Variants in ZNF215 observed in about 807,000 individuals in gnomAD.
The protein encoded by ZNF215 is zinc finger protein 215, also known as BWSCR2-associated zinc finger protein 2.
A neutral mutation model predicts 27.2 loss-of-function variants in ZNF215; 24 were observed. That is an observed-to-expected ratio of 0.88 (90% confidence interval 0.64 to 1.24). The LOEUF is 1.24. Among genes scored for constraint, ZNF215 ranks in the 50% most tolerant of loss-of-function variants. The probability of loss-of-function intolerance (pLI) is 0.00; values close to 1 mark genes in which losing one functional copy is unlikely to be tolerated. For synonymous variants in ZNF215, 210 were observed against 204.0 expected, an observed-to-expected ratio of 1.03 and a Z score of -0.25; for missense variants, 675 against 605.7, an observed-to-expected ratio of 1.11 and a Z score of -1.20.
chr11:6,933,308 G>T (rs4426121), intron 3 of ZNF215, among the ~76,000 whole-genome samples: 2 of 151,986 alleles, frequency 1.3e-5, no homozygotes, highest in African/African-American at 4.8e-5. Flanking sequence ...ATTTGGGAGT[G>T]GGGGAGAAGG....
chr11:6,946,600 A>G (rs1205851195), intron 6 of ZNF215, among the ~76,000 whole-genome samples: 1 of 152,190 alleles, frequency 6.6e-6, no homozygotes, highest in South Asian at 2.1e-4. Flanking sequence ...TTCTTTACCT[A>G]ATTGACCCTT....
intron 5 of ZNF215, among the ~76,000 whole-genome samples, chr11:6,983,413 C>A (rs1851001390): frequency 6.6e-6 from 1 of 152,098 alleles, no homozygotes; most frequent in South Asian, 2.1e-4. Context: ...TTTTATGAGG[C>A]CAGCATCATC....
At chr11:6,964,507 G>T (rs935060751) in intron 5 of ZNF215, among the ~76,000 whole-genome samples, 2 of 152,028 alleles carry the variant, frequency 1.3e-5, no homozygotes, top group Non-Finnish European at 2.9e-5. Context: ...ATTTGTAGAA[G>T]ACTGTAGATT....
At position 6,936,763 on chromosome 11, in the gene ZNF215, A is replaced by G. The variant is rs79668717; in HGVS notation, c.400+4091A>G. Among the ~76,000 whole-genome samples the G allele has an allele frequency of 7.3e-3, 1,117 of 152,084 alleles. 3 individuals carry two copies. Among genetic ancestry groups the G allele is most frequent in the Non-Finnish European group, 0.011 (764 of 67,842 alleles). Reference sequence around the variant, plus strand: ...TGGGATTGATCCCAGAAATGCAAGTATGGTTCAACAAATGAAAATATATCA... The same window carrying G: ...TGGGATTGATCCCAGAAATGCAAGTGTGGTTCAACAAATGAAAATATATCA... On this transcript the variant is annotated intron_variant, in intron 3 of 6. Coordinates refer to ENST00000278319, the MANE Select transcript of ZNF215 (RefSeq NM_013250.4).
chr11:6,964,835 CTT>C (rs1208712152), intron 5 of ZNF215, among the ~76,000 whole-genome samples: 2 of 151,892 alleles, frequency 1.3e-5, no homozygotes, highest in African/African-American at 4.8e-5. Context: ...GTATATGTGT[CTT>C]TTAACACTGT....
intron 5 of ZNF215, among the ~76,000 whole-genome samples, chr11:6,982,362 A>G (rs186769001): frequency 0.05 from 7,562 of 152,182 alleles, 262 homozygotes; most frequent in Non-Finnish European, 0.072. Context: ...ACAGAAAGTT[A>G]ACAAGGATAC....
intron 6 of ZNF215, among the ~76,000 whole-genome samples, chr11:6,955,137 A>T (rs182096756): frequency 6.6e-6 from 1 of 152,172 alleles, no homozygotes; most frequent in East Asian, 1.9e-4. Context: ...ACTTCCTGCT[A>T]TCTTATATTA....
At chr11:6,986,889 TTC>T (rs1564980489), downstream of ZNF215, among the ~76,000 whole-genome samples, 1 of 152,036 alleles carries the variant, frequency 6.6e-6, no homozygotes, top group Admixed American at 6.5e-5. Flanking sequence ...CAGCATCTGT[TTC>T]TCTGTTTCCC....
downstream of ZNF215, among the ~76,000 whole-genome samples, chr11:6,991,484 C>T (rs544853508): frequency 2.7e-3 from 407 of 152,314 alleles, 1 homozygote; most frequent in African/African-American, 9.3e-3. Flanking sequence ...TACCCTAGAG[C>T]CCCCTCAGGC....
chr11:6,984,044 CA>C, intron 5 of ZNF215: 1 of 357,326 alleles, frequency 2.8e-6, no homozygotes, highest in Non-Finnish European at 5.3e-6. Flanking sequence ...AACATACTCT[CA>C]AACGCTATCT....
downstream of ZNF215, among the ~76,000 whole-genome samples, chr11:6,985,552 G>C (rs1250812298): frequency 6.6e-6 from 1 of 152,042 alleles, no homozygotes; most frequent in South Asian, 2.1e-4. Context: ...GAAACAATCA[G>C]GTAAGAGAAA....
chr11:6,949,750 G>C (rs1260945993), intron 6 of ZNF215, among the ~76,000 whole-genome samples: 1 of 152,140 alleles, frequency 6.6e-6, no homozygotes, highest in Non-Finnish European at 1.5e-5. Flanking sequence ...GATCCCATTT[G>C]TCAATTTTGG....
At chr11:6,972,328 T>C (rs1374514142) in intron 5 of ZNF215, among the ~76,000 whole-genome samples, 1 of 151,912 alleles carries the variant, frequency 6.6e-6, no homozygotes, top group Non-Finnish European at 1.5e-5. Flanking sequence ...AATAAGACTT[T>C]ATTTACAAAA....
In ZNF215 at chr11:6,958,006, A is replaced by T; in HGVS notation, c.*1475A>T. ...TACCTTATTCAAAGGCAGAAAAGGT[A>T]TACTGGAGTGAACTCCTATGATTAA... On this transcript the variant is annotated 3_prime_UTR_variant, in exon 7 of 7. Coordinates refer to ENST00000278319, the MANE Select transcript of ZNF215 (RefSeq NM_013250.4). 3 of 985,428 alleles carry T rather than the reference A, an allele frequency of 3.0e-6. No homozygotes were observed. The highest frequency in any genetic ancestry group is 3.6e-6 in the Non-Finnish European group (3 of 829,930). The allele number at this position is 985,428 out of a possible 1,614,324, so 61.0% of individuals were successfully genotyped here.
chr11:6,975,962 A>G (rs867034740), intron 5 of ZNF215, among the ~76,000 whole-genome samples: 10 of 152,228 alleles, frequency 6.6e-5, no homozygotes, highest in Middle Eastern at 3.4e-3. Flanking sequence ...TTACATTCCC[A>G]TCAACAGTAT....
At chr11:6,946,016 C>T (rs1233018621) in intron 6 of ZNF215, among the ~76,000 whole-genome samples, 2 of 152,100 alleles carry the variant, frequency 1.3e-5, no homozygotes, top group African/African-American at 4.8e-5. Flanking sequence ...TGACACTGCC[C>T]TCTACCTAGT....
chr11:6,961,240 A>C (rs1281640487), downstream of ZNF215, among the ~76,000 whole-genome samples: 1 of 152,172 alleles, frequency 6.6e-6, no homozygotes, highest in Non-Finnish European at 1.5e-5. Flanking sequence ...TTCTGTAGGA[A>C]CAAAGAATGC....
intron 5 of ZNF215, among the ~76,000 whole-genome samples, chr11:6,981,925 G>A (rs1850961062): frequency 4.6e-5 from 7 of 152,096 alleles, no homozygotes; most frequent in Admixed American, 3.9e-4. Context: ...TTGTAGATAT[G>A]CGGCATTATT....
At chr11:6,990,373 C>T (rs896602828), downstream of ZNF215, among the ~76,000 whole-genome samples, 5 of 152,124 alleles carry the variant, frequency 3.3e-5, no homozygotes, top group Non-Finnish European at 5.9e-5. Flanking sequence ...AAGTATTATA[C>T]ACAGAGCTGT....
Sources: gnomAD v4.1 joint callset for allele counts (sites outside exome capture counted in the v4.1 genomes callset) on GRCh38, gnomAD v4.1.1 for gene constraint, MANE v1.5 for transcripts, NCBI Gene and HGNC (gene_info 2026-07-23, HGNC 2026-07-21) for gene names.